The following ZNF423 variants were observed in gnomAD, a reference collection of about 807,000 sequenced individuals.
The protein encoded by ZNF423 is zinc finger protein 423.
A neutral mutation model predicts 95.8 loss-of-function variants in ZNF423; 12 were observed. The ratio of observed to expected loss-of-function variants is 0.13; its 90% CI spans 0.08 to 0.20. ZNF423 has a LOEUF of 0.20. Among genes scored for constraint, ZNF423 ranks in the 10% least tolerant of loss-of-function variants. The pLI, the probability that ZNF423 is intolerant of heterozygous loss-of-function variation, is 1.00. For missense variants in ZNF423, 1,316 were observed against 1,737.1 expected (o/e 0.76, Z 4.31); for synonymous variants, 749 against 711.9 (o/e 1.05, Z -0.83).
chr16:49,684,570 G>T lies in ZNF423; in HGVS notation c.302-45696C>A, dbSNP rs1411619296. ...CATGCCTCTGTTAAAAGTCTGCTTT[G>T]GGCTGAAGATGAAGAAAAGAGAAGC... On this transcript the variant is annotated intron_variant, in intron 3 of 7. Coordinates refer to ENST00000563137, the MANE Select transcript of ZNF423 (RefSeq NM_001379286.1). Among the ~76,000 whole-genome samples the T allele has an allele frequency of 2.8e-4, 43 of 152,144 alleles. 1 individual carries two copies. Among genetic ancestry groups the T allele is most frequent in the Admixed American group, 2.8e-3 (43 of 15,286 alleles).
At chr16:49,621,039 C>G (rs1023733147) in intron 5 of ZNF423, among the ~76,000 whole-genome samples, 2 of 152,310 alleles carry the variant, frequency 1.3e-5, no homozygotes, top group South Asian at 4.1e-4. Context: ...GCAGCCCCCC[C>G]GGGGAGCCCA....
intron 1 of ZNF423, among the ~76,000 whole-genome samples, chr16:49,817,632 G>C (rs1177018188): frequency 1.3e-5 from 2 of 152,162 alleles, no homozygotes; most frequent in Non-Finnish European, 2.9e-5. Context: ...CTGGGCAGGA[G>C]GTGCTCAGGC....
At chr16:49,651,048 T>A (rs1422818529) in intron 3 of ZNF423, among the ~76,000 whole-genome samples, 1 of 151,520 alleles carries the variant, frequency 6.6e-6, no homozygotes, top group Non-Finnish European at 1.5e-5. Flanking sequence ...AGAGACAGGG[T>A]CTCCCTCTGT....
At chr16:49,595,414 C>A (rs56154385) in intron 5 of ZNF423, among the ~76,000 whole-genome samples, 92,615 of 152,172 alleles carry the variant, frequency 0.61, 30,477 homozygotes, top group African/African-American at 0.87. Context: ...AATTCCCAGG[C>A]GCACTCACTA....
rs574229411 is a variant in ZNF423 at position 49,720,961 on chromosome 16, T to C, written c.301+9810A>G. The stretch of plus-strand genomic sequence containing the variant: ...TCCTGGCCATTCTACAGAGTCAACC[T>C]CAGGACTTCTACCCTGGCAATGGTA... On this transcript the variant is annotated intron_variant, in intron 3 of 7. Transcript: ENST00000563137. Among the ~76,000 whole-genome samples the C allele has an allele frequency of 3.3e-5, 5 of 152,344 alleles. No individual in the cohort carries two copies. The East Asian group carries it at 9.6e-4, about 29-fold the overall frequency.
intron 5 of ZNF423, among the ~76,000 whole-genome samples, chr16:49,586,682 T>C (rs1315083122): frequency 1.3e-5 from 2 of 151,648 alleles, no homozygotes; most frequent in Non-Finnish European, 3.0e-5. Context: ...GGGGATCTCT[T>C]AGGAGGTCTG....
At chr16:49,515,604 G>C (rs1415491235) in intron 7 of ZNF423, among the ~76,000 whole-genome samples, 2 of 152,198 alleles carry the variant, frequency 1.3e-5, no homozygotes, top group Non-Finnish European at 2.9e-5. Context: ...TCCATGCAAA[G>C]TGCTCAGAAC....
upstream of ZNF423, among the ~76,000 whole-genome samples, chr16:49,857,073 C>T (rs1415417998): frequency 8.6e-5 from 13 of 150,658 alleles, no homozygotes; most frequent in East Asian, 2.3e-3. The surrounding 1 kb of genome is among the most constrained non-coding windows in gnomAD (Gnocchi z 6.2). Flanking sequence ...CCTCCCGATC[C>T]GGCTGCTGGG....
intron 5 of ZNF423, among the ~76,000 whole-genome samples, chr16:49,605,582 G>C (rs1971511599): frequency 6.6e-6 from 1 of 152,142 alleles, no homozygotes; most frequent in Admixed American, 6.5e-5. Context: ...AGACCCTCAG[G>C]CCCCCTTCTG....
chr16:49,564,144 T>C (rs975549091), intron 5 of ZNF423, among the ~76,000 whole-genome samples: 1 of 152,178 alleles, frequency 6.6e-6, no homozygotes, highest in African/African-American at 2.4e-5. Context: ...AATTGTTAAA[T>C]GGATAGATTT....
intron 2 of ZNF423, among the ~76,000 whole-genome samples, chr16:49,769,860 C>T (rs2034000584): frequency 6.6e-6 from 1 of 151,886 alleles, no homozygotes; most frequent in African/African-American, 2.4e-5. Context: ...TCCCTTCTGT[C>T]CCACAGTGGG....
At chr16:49,767,544 A>G (rs901625020) in intron 2 of ZNF423, among the ~76,000 whole-genome samples, 2 of 152,212 alleles carry the variant, frequency 1.3e-5, no homozygotes, top group South Asian at 4.1e-4. Context: ...TGTCACTGAC[A>G]TCTAATTAGA....
At chr16:49,622,205 C>T (rs147322852) in intron 5 of ZNF423, among the ~76,000 whole-genome samples, 3 of 152,306 alleles carry the variant, frequency 2.0e-5, no homozygotes, top group Non-Finnish European at 4.4e-5. Context: ...GAAGCCCTTG[C>T]TGCCACCTCT....
Position 49,636,423 on chromosome 16 carries a change from T to C in ZNF423, c.2753A>G (p.Asn918Ser), listed in dbSNP as rs1168330405. ...GCCATCATCCTCGCCCGGCCGGATA[T>C]TGTGGTCCCGCAGCCGGTGATTCTG... ...LLQNHRLRDHNIRPGEDDGSR... is the reference protein window; with the variant it reads ...LLQNHRLRDHSIRPGEDDGSR... The change falls in exon 4 of 8, where the codon AAT (asparagine) becomes AGT (serine). Residue 918 changes from asparagine to serine, a missense_variant. This residue lies in a region of ZNF423 where 620 missense variants were observed against 775.6 expected (regional missense o/e 0.80). Transcript: ENST00000563137. This position sits in a 1 kb window ranked among gnomAD's most constrained non-coding sequence, Gnocchi z 8.6. 2.5e-6 allele frequency: 4 copies of C among 1,613,376 alleles called. No individual in the cohort carries two copies. Among genetic ancestry groups the C allele is most frequent in the East Asian group, 2.2e-5 (1 of 44,876 alleles).
chr16:49,748,708 C>G (rs2033573398), intron 2 of ZNF423, among the ~76,000 whole-genome samples: 1 of 152,200 alleles, frequency 6.6e-6, no homozygotes, highest in Admixed American at 6.5e-5. Flanking sequence ...AGCCCCTTTT[C>G]CGTGCAGGGA....
rs147143997 is a variant in ZNF423, at chr16:49,654,657, A to C, written c.302-15783T>G. On this transcript the variant is annotated intron_variant, in intron 3 of 7. Coordinates refer to ENST00000563137, the MANE Select transcript of ZNF423 (RefSeq NM_001379286.1). Reference sequence around the variant, plus strand: ...ATCTGTGTTCTTCCAAACATGGGCTACCTCCCATTGGTAGGACCCGTGATC... The same window carrying C: ...ATCTGTGTTCTTCCAAACATGGGCTCCCTCCCATTGGTAGGACCCGTGATC... Among the ~76,000 whole-genome samples the C allele has an allele frequency of 9.2e-3, 1,406 of 152,254 alleles. 18 individuals carry two copies. The highest frequency in any genetic ancestry group is 0.032 in the African/African-American group (1,336 of 41,540).
intron 2 of ZNF423, among the ~76,000 whole-genome samples, chr16:49,744,124 G>GTCTGCCGGCTT (rs1181242423): frequency 1.2e-4 from 19 of 152,186 alleles, no homozygotes; most frequent in Non-Finnish European, 2.8e-4. Context: ...ACTTGCTCAG[G>GTCTGCCGGCTT]TCTGCCGGCT....
At chr16:49,526,415 C>T (rs1420605740) in intron 5 of ZNF423, among the ~76,000 whole-genome samples, 2 of 152,200 alleles carry the variant, frequency 1.3e-5, no homozygotes, top group African/African-American at 4.8e-5. Context: ...CCCAAAGGCG[C>T]CGGGGGACAC....
In ZNF423 at chr16:49,491,221, C is replaced by T; in HGVS notation, c.*54G>A. The T allele has an allele frequency of 6.2e-7, 1 of 1,611,400 alleles. No homozygotes were observed. The highest frequency in any genetic ancestry group is 8.5e-7 in the Non-Finnish European group (1 of 1,177,750). On this transcript the variant is annotated 3_prime_UTR_variant, in exon 8 of 8. Transcript: ENST00000563137. Reference sequence around the variant, plus strand: ...TGGATGTAATGTTCAAATGGCCCTCCCCACGGCGTCTCCGGCAAGCCTTCT... The same window carrying T: ...TGGATGTAATGTTCAAATGGCCCTCTCCACGGCGTCTCCGGCAAGCCTTCT...
Sources: allele counts gnomAD v4.1 joint callset (sites outside exome capture counted in the v4.1 genomes callset), GRCh38; gene constraint gnomAD v4.1.1; regional missense constraint gnomAD v4.1.1; non-coding constraint Gnocchi (gnomAD v3.1); transcripts MANE v1.5; gene names NCBI Gene and HGNC (gene_info 2026-07-23, HGNC 2026-07-21).